HS6ST3: variants seen among roughly 807,000 people sequenced by gnomAD.
HS6ST3 encodes heparan-sulfate 6-O-sulfotransferase 3.
Under a neutral mutation model 36.7 loss-of-function variants are expected in HS6ST3, and 12 were observed. The ratio of observed to expected loss-of-function variants is 0.33; its 90% CI spans 0.21 to 0.53. HS6ST3 has a LOEUF of 0.53. Among genes scored for constraint, HS6ST3 ranks in the 20% least tolerant of loss-of-function variants. The pLI, the probability that HS6ST3 is intolerant of heterozygous loss-of-function variation, is 0.95. For synonymous variants in HS6ST3, 240 were observed against 257.5 expected (o/e 0.93, Z 0.65); for missense variants, 584 against 640.9 (o/e 0.91, Z 0.96).
At chr13:96,226,384 G>A (rs1355809126) in intron 1 of HS6ST3, among the ~76,000 whole-genome samples, 1 of 152,148 alleles carries the variant, frequency 6.6e-6, no homozygotes, top group Admixed American at 6.5e-5. Context: ...GCCATGCATG[G>A]TGGCTCATTC....
chr13:96,348,825 C>T (rs1050038327), intron 1 of HS6ST3, among the ~76,000 whole-genome samples: 2 of 152,174 alleles, frequency 1.3e-5, no homozygotes, highest in Admixed American at 1.3e-4. Flanking sequence ...GAAGGTTGTA[C>T]TTTTTGCTCA....
chr13:96,139,071 A>G (rs1008528623), intron 1 of HS6ST3, among the ~76,000 whole-genome samples: 1 of 152,176 alleles, frequency 6.6e-6, no homozygotes, highest in African/African-American at 2.4e-5. Flanking sequence ...ACGTTTTATA[A>G]TGCATTTCCA....
intron 1 of HS6ST3, among the ~76,000 whole-genome samples, chr13:96,666,545 T>A (rs2056664916): frequency 6.6e-6 from 1 of 152,114 alleles, no homozygotes; most frequent in Admixed American, 6.6e-5. Context: ...ATGGTTAATT[T>A]TTCAATGGCT....
rs1189348672 is a variant in HS6ST3 at position 96,746,783 on chromosome 13, G to T, written c.708-85707G>T. Among the ~76,000 whole-genome samples the T allele has an allele frequency of 7.9e-5, 12 of 152,046 alleles. No individual in the cohort carries two copies. The South Asian group carries it at 2.3e-3, about 29-fold the overall frequency. On this transcript the variant is annotated intron_variant, in intron 1 of 1. Transcript: ENST00000376705. ...TCTAATTAATGGTATTATATCTTTTGATTTCTAAAGTGATTTTAGGAATAG... is the reference window on the plus strand; with the variant it reads ...TCTAATTAATGGTATTATATCTTTTTATTTCTAAAGTGATTTTAGGAATAG...
At chr13:96,549,703 C>T (rs940226307) in intron 1 of HS6ST3, among the ~76,000 whole-genome samples, 6 of 152,062 alleles carry the variant, frequency 3.9e-5, no homozygotes, top group African/African-American at 1.4e-4. Flanking sequence ...GGCCTGAGAA[C>T]AATTCTGATT....
chr13:96,482,794 T>C (rs1229548870), intron 1 of HS6ST3, among the ~76,000 whole-genome samples: 4 of 152,254 alleles, frequency 2.6e-5, no homozygotes, highest in African/African-American at 9.6e-5. Flanking sequence ...TTTTAGTTGT[T>C]CCTAGCAGAG....
intron 1 of HS6ST3, among the ~76,000 whole-genome samples, chr13:96,743,298 T>G (rs1460448744): frequency 6.6e-6 from 1 of 152,092 alleles, no homozygotes; most frequent in Non-Finnish European, 1.5e-5. Context: ...AAAATTGAGT[T>G]TGAAAAACAT....
At chr13:96,471,441 G>A (rs1369982779) in intron 1 of HS6ST3, among the ~76,000 whole-genome samples, 1 of 152,134 alleles carries the variant, frequency 6.6e-6, no homozygotes, top group Non-Finnish European at 1.5e-5. Context: ...GCACCTTGAG[G>A]GTGTTAGGAT....
chr13:96,417,590 A>ATATGTGTG (rs1555303942), intron 1 of HS6ST3, among the ~76,000 whole-genome samples: 105 of 139,980 alleles, frequency 7.5e-4, no homozygotes, highest in Non-Finnish European at 1.4e-3. Context: ...GCATATATAT[A>ATATGTGTG]TGTGTGTGTG....
chr13:96,354,555 A>G (rs2055200447), intron 1 of HS6ST3, among the ~76,000 whole-genome samples: 2 of 152,196 alleles, frequency 1.3e-5, no homozygotes, highest in Admixed American at 6.5e-5. Flanking sequence ...GATATATGAT[A>G]TGAAACTCCA....
chr13:96,447,562 C>A (rs1035074236), intron 1 of HS6ST3, among the ~76,000 whole-genome samples: 5 of 152,210 alleles, frequency 3.3e-5, no homozygotes, highest in African/African-American at 1.2e-4. Context: ...GCGATTCCTG[C>A]TGCCTTCTTC....
chr13:96,326,577 C>T (rs1166810338), intron 1 of HS6ST3, among the ~76,000 whole-genome samples: 4 of 152,072 alleles, frequency 2.6e-5, no homozygotes, highest in Admixed American at 6.6e-5. Context: ...CAGTCTATCA[C>T]TGTTGGACAT....
chr13:96,103,240 A>G (rs922209984), intron 1 of HS6ST3, among the ~76,000 whole-genome samples: 7 of 152,208 alleles, frequency 4.6e-5, no homozygotes, highest in Admixed American at 1.3e-4. Flanking sequence ...TACCAAATTC[A>G]TGGCAAAGAG....
intron 1 of HS6ST3, among the ~76,000 whole-genome samples, chr13:96,706,413 T>TATATA (rs1555319827): frequency 1.7e-5 from 2 of 121,058 alleles, no homozygotes; most frequent in Non-Finnish European, 3.3e-5. Flanking sequence ...AGAATATATT[T>TATATA]TATATATATA....
At chr13:96,166,575 CTT>C (rs765190619) in intron 1 of HS6ST3, among the ~76,000 whole-genome samples, 3 of 131,548 alleles carry the variant, frequency 2.3e-5, no homozygotes, top group Admixed American at 7.6e-5. Flanking sequence ...TTCTTTCTTT[CTT>C]TTTTTTTTTT....
chr13:96,625,320 GA>G (rs2056508451), intron 1 of HS6ST3, among the ~76,000 whole-genome samples: 1 of 152,090 alleles, frequency 6.6e-6, no homozygotes. Context: ...TCTGGTTCGG[GA>G]AACAAGTCCT....
At chr13:96,650,177 C>T (rs1305056386) in intron 1 of HS6ST3, among the ~76,000 whole-genome samples, 1 of 152,026 alleles carries the variant, frequency 6.6e-6, no homozygotes, top group Non-Finnish European at 1.5e-5. Flanking sequence ...CATTTTACAT[C>T]TTCAAACATA....
intron 1 of HS6ST3, among the ~76,000 whole-genome samples, chr13:96,314,632 C>T (rs144659620): frequency 0.011 from 1,726 of 152,226 alleles, 15 homozygotes; most frequent in Non-Finnish European, 0.018. Flanking sequence ...TTGTTGCACT[C>T]ATCAACATGG....
intron 1 of HS6ST3, among the ~76,000 whole-genome samples, chr13:96,716,405 TGAA>T (rs1875697017): frequency 6.6e-6 from 1 of 152,176 alleles, no homozygotes; most frequent in African/African-American, 2.4e-5. Context: ...AGTTATTTCT[TGAA>T]GGAATAACAA....
Sources: gnomAD v4.1 joint callset for allele counts (sites outside exome capture counted in the v4.1 genomes callset) on GRCh38, gnomAD v4.1.1 for gene constraint, MANE v1.5 for transcripts, NCBI Gene and HGNC (gene_info 2026-07-23, HGNC 2026-07-21) for gene names.